MAGI3: variants seen among roughly 807,000 people sequenced by gnomAD.
MAGI3 encodes the protein membrane-associated guanylate kinase, WW and PDZ domain-containing protein 3.
MAGI3 carries 43 observed loss-of-function variants against 121.8 expected under a neutral mutation model. That is an observed-to-expected ratio of 0.35 (90% CI 0.28 to 0.46). The LOEUF (loss-of-function observed/expected upper bound fraction) is 0.46. MAGI3 is among the 20% of genes least tolerant of loss of function. The pLI, the probability that MAGI3 is intolerant of heterozygous loss-of-function variation, is 1.00. For missense variants in MAGI3, 1,547 were observed against 1,797.3 expected (o/e 0.86, Z 2.52); for synonymous variants, 553 against 639.3 (o/e 0.86, Z 2.04).
At chr1:113,492,070 G>T (rs1430518023) in intron 1 of MAGI3, among the ~76,000 whole-genome samples, 3 of 152,086 alleles carry the variant, frequency 2.0e-5, no homozygotes, top group African/African-American at 7.2e-5. Context: ...AACAAAAAAA[G>T]AAAACTTTAG....
At chr1:113,589,797 C>A (rs775007909) in intron 4 of MAGI3, among the ~76,000 whole-genome samples, 2 of 152,108 alleles carry the variant, frequency 1.3e-5, no homozygotes, top group South Asian at 2.1e-4. Context: ...ACTCCCTAGA[C>A]AGTACCCAAA....
intron 1 of MAGI3, among the ~76,000 whole-genome samples, chr1:113,465,206 A>C (rs1008295524): frequency 1.4e-4 from 21 of 152,176 alleles, no homozygotes; most frequent in Non-Finnish European, 1.3e-4. Flanking sequence ...GTATAGTTTC[A>C]TTCTTCTGCA....
chr1:113,653,890 G>T lies in MAGI3; in HGVS notation c.2501G>T (p.Arg834Leu), dbSNP rs751939710. ...AFISTQNGSP[R>L]LNRAEVPARP... ...ATTTCAACACAGAATGGATCTCCCC[G>T]CCTGAACCGGGCAGAGGTCCCAGCC... The change falls in exon 15 of 21, where the codon CGC becomes CTC. Residue 834 changes from arginine (R) to leucine (L), a missense_variant. Arg to Leu is a moderately radical substitution (Grantham distance 102, BLOSUM62 -2). Coordinates refer to ENST00000307546, the MANE Select transcript of MAGI3 (RefSeq NM_001142782.2). 6.2e-7 allele frequency: 1 copy of T among 1,613,724 alleles called. No homozygotes were observed. The highest frequency in any genetic ancestry group is 1.1e-5 in the South Asian group (1 of 91,038).
At chr1:113,458,196 C>A (rs1041952030) in intron 1 of MAGI3, among the ~76,000 whole-genome samples, 1 of 152,098 alleles carries the variant, frequency 6.6e-6, no homozygotes, top group Non-Finnish European at 1.5e-5. Context: ...GGTAGGACAT[C>A]GTTGCTTGTG....
In MAGI3 at chr1:113,437,839, CT is replaced by C. The variant is rs1205432973; in HGVS notation, c.316+46492del. Among the ~76,000 whole-genome samples, 239 of 47,650 alleles carry C rather than the reference CT, an allele frequency of 5.0e-3. 1 individual carries two copies. Among genetic ancestry groups the C allele is most frequent in the African/African-American group, 0.019 (223 of 11,612 alleles). The allele number at this position is 47,650 out of a possible 152,430, so 31.3% of individuals were successfully genotyped here. On this transcript the variant is annotated intron_variant, in intron 1 of 20. Coordinates refer to ENST00000307546, the MANE Select transcript of MAGI3 (RefSeq NM_001142782.2). Reference sequence around the variant, plus strand: ...TCTTCTTCTTCTTCTTCTTCTTCTTCTTCTTCTTCTTCTTCTTCTTCTTCCT... The same window carrying C: ...TCTTCTTCTTCTTCTTCTTCTTCTTCTCTTCTTCTTCTTCTTCTTCTTCCT...
At position 113,618,332 on chromosome 1, in the gene MAGI3, G is replaced by C. The variant is rs191221682; in HGVS notation, c.1077-1404G>C. Among the ~76,000 whole-genome samples, 358 of 151,278 alleles carry C rather than the reference G, an allele frequency of 2.4e-3. 1 individual carries two copies. The highest frequency in any genetic ancestry group is 8.1e-3 in the African/African-American group (334 of 41,214). ...AGCCTGGGTGACAGAATGAGTGCCT[G>C]TCTCCAAAAAAAAAATAAATAAAGA... On this transcript the variant is annotated intron_variant, in intron 7 of 20. Transcript: ENST00000307546.
chr1:113,453,821 A>G lies in MAGI3; in HGVS notation c.316+62472A>G, dbSNP rs146912706. ...GTGAAGTGAGTTGTCAAGGAGCTAA[A>G]TATACACATTAGTATGAGAAGAGAG... On this transcript the variant is annotated intron_variant, in intron 1 of 20. Transcript: ENST00000307546. Among the ~76,000 whole-genome samples the G allele has an allele frequency of 1.6e-3, 250 of 152,380 alleles. 1 individual carries two copies. The highest frequency in any genetic ancestry group is 6.8e-3 in the Middle Eastern group (2 of 294).
intron 1 of MAGI3, among the ~76,000 whole-genome samples, chr1:113,446,542 T>G (rs551247644): frequency 6.6e-6 from 1 of 152,302 alleles, no homozygotes; most frequent in Admixed American, 6.5e-5. Context: ...ATAAATGCTT[T>G]AAACTTAAAT....
At chr1:113,520,500 C>T (rs1658123592) in intron 1 of MAGI3, among the ~76,000 whole-genome samples, 1 of 152,050 alleles carries the variant, frequency 6.6e-6, no homozygotes, top group South Asian at 2.1e-4. Context: ...AATAAGCTTA[C>T]TTATACTGCT....
chr1:113,648,278 T>C (rs1167137674), intron 12 of MAGI3, among the ~76,000 whole-genome samples: 1 of 152,220 alleles, frequency 6.6e-6, no homozygotes, highest in Non-Finnish European at 1.5e-5. Flanking sequence ...AATTTACTAA[T>C]CTCACTTTTT....
intron 16 of MAGI3, among the ~76,000 whole-genome samples, chr1:113,668,739 C>A (rs2798139): frequency 6.6e-6 from 1 of 151,154 alleles, no homozygotes; most frequent in Non-Finnish European, 1.5e-5. Context: ...CCCGCCACCG[C>A]GCCCGGCTAA....
chr1:113,652,315 G>A (rs1146181), intron 14 of MAGI3, among the ~76,000 whole-genome samples: 1,855 of 152,184 alleles, frequency 0.012, 48 homozygotes, highest in African/African-American at 0.043. Context: ...CTGTAAGCTC[G>A]GCACCTAAAA....
chr1:113,562,913 AC>A (rs1447591265), intron 2 of MAGI3, among the ~76,000 whole-genome samples: 1 of 152,230 alleles, frequency 6.6e-6, no homozygotes, highest in African/African-American at 2.4e-5. Flanking sequence ...AAGAAATAAT[AC>A]CAATTCTACA....
chr1:113,616,547 G>A (rs1442488143), intron 7 of MAGI3, among the ~76,000 whole-genome samples: 1 of 152,140 alleles, frequency 6.6e-6, no homozygotes, highest in African/African-American at 2.4e-5. Context: ...AACTGCAGTG[G>A]TAGTTTTTCT....
chr1:113,560,429 A>G (rs1660185090), intron 2 of MAGI3, among the ~76,000 whole-genome samples: 1 of 151,980 alleles, frequency 6.6e-6, no homozygotes. Flanking sequence ...AAACAATAAA[A>G]CAAAAAAAGA....
chr1:113,592,568 G>A (rs534858439), intron 5 of MAGI3, among the ~76,000 whole-genome samples: 38 of 152,226 alleles, frequency 2.5e-4, no homozygotes, highest in Admixed American at 1.4e-3. Context: ...CTAGGCCCCT[G>A]AGTTCTCATC....
intron 6 of MAGI3, among the ~76,000 whole-genome samples, chr1:113,606,936 T>C (rs1649811584): frequency 6.6e-6 from 1 of 152,192 alleles, no homozygotes; most frequent in Non-Finnish European, 1.5e-5. Context: ...ACCACTAGGA[T>C]ATTACAATTA....
intron 1 of MAGI3, among the ~76,000 whole-genome samples, chr1:113,487,345 C>A (rs1299076397): frequency 6.6e-6 from 1 of 152,154 alleles, no homozygotes; most frequent in Non-Finnish European, 1.5e-5. Context: ...TACTTGTTAA[C>A]AGAAATCCAG....
chr1:113,619,533 C>T (rs537635721), intron 7 of MAGI3, among the ~76,000 whole-genome samples: 2 of 152,220 alleles, frequency 1.3e-5, no homozygotes, highest in East Asian at 1.9e-4. Flanking sequence ...ATATCAAAAG[C>T]TTCACAGCTT....
Sources: gnomAD v4.1 joint callset for allele counts (sites outside exome capture counted in the v4.1 genomes callset) on GRCh38, gnomAD v4.1.1 for gene constraint, MANE v1.5 for transcripts, NCBI Gene and HGNC (gene_info 2026-07-23, HGNC 2026-07-21) for gene names.